Variants in SLC49A4 observed in about 807,000 individuals in gnomAD.
SLC49A4 encodes solute carrier family 49 member 4, also known as disrupted in renal cancer protein 2.
A neutral mutation model predicts 50.6 loss-of-function variants in SLC49A4; 36 were observed. That is an observed-to-expected ratio of 0.71 (90% CI 0.55 to 0.94). The LOEUF (loss-of-function observed/expected upper bound fraction) is 0.94. Among genes scored for constraint, SLC49A4 ranks in the 40% least tolerant of loss-of-function variants. The pLI is 0.00. For missense variants in SLC49A4, 503 were observed against 605.7 expected, an observed-to-expected ratio of 0.83 and a Z score of 1.78; for synonymous variants, 248 against 241.2, an observed-to-expected ratio of 1.03 and a Z score of -0.26.
intron 6 of SLC49A4, among the ~76,000 whole-genome samples, chr3:122,856,687 T>C (rs1031197790): frequency 3.3e-5 from 5 of 151,774 alleles, no homozygotes; most frequent in Non-Finnish European, 7.4e-5. Flanking sequence ...AAACACAAAA[T>C]TACCTGGGTG....
At chr3:122,865,473 T>TA (rs1399447703) in intron 7 of SLC49A4, among the ~76,000 whole-genome samples, 3 of 152,178 alleles carry the variant, frequency 2.0e-5, no homozygotes, top group African/African-American at 7.2e-5. Flanking sequence ...ACTTTTTTTT[T>TA]AGGAAGAAAT....
chr3:122,871,721 A>G (rs1466794763), intron 7 of SLC49A4, among the ~76,000 whole-genome samples: 1 of 152,144 alleles, frequency 6.6e-6, no homozygotes, highest in Non-Finnish European at 1.5e-5. Flanking sequence ...AATTAATTGT[A>G]GTATATTTCC....
rs565152434 is a variant in SLC49A4 at position 122,824,619 on chromosome 3, C to CTCTT, written c.438-2163_438-2160dup. Among the ~76,000 whole-genome samples, 971 of 149,940 alleles carry CTCTT rather than the reference C, an allele frequency of 6.5e-3. 6 individuals are homozygous for CTCTT. The highest frequency in any genetic ancestry group is 0.021 in the African/African-American group (861 of 40,728). On this transcript the variant is annotated intron_variant, in intron 2 of 8. Transcript: ENST00000261038. The stretch of plus-strand genomic sequence containing the variant: ...GTCTTTCCTTTCCTTTCTTTTCTTT[C>CTCTT]TCTTTCTTTCTTTCTTTCTTTTTCC...
At chr3:122,814,767 AT>A (rs1489818015) in intron 2 of SLC49A4, among the ~76,000 whole-genome samples, 1 of 150,864 alleles carries the variant, frequency 6.6e-6, no homozygotes, top group East Asian at 1.9e-4. Context: ...TTTGTGTGAC[AT>A]TTTTTTGTGA....
At chr3:122,836,688 A>T (rs1018371798) in intron 4 of SLC49A4, among the ~76,000 whole-genome samples, 1 of 152,180 alleles carries the variant, frequency 6.6e-6, no homozygotes, top group African/African-American at 2.4e-5. Context: ...CTCCTATTCA[A>T]CATAGTGTTG....
chr3:122,861,412 T>C (rs75250529), intron 7 of SLC49A4, among the ~76,000 whole-genome samples: 7,659 of 152,332 alleles, frequency 0.05, 262 homozygotes, highest in Middle Eastern at 0.11. Flanking sequence ...TTATATTATT[T>C]GCAAGTAATA....
At chr3:122,849,987 GA>G (rs766418755) in intron 5 of SLC49A4, among the ~76,000 whole-genome samples, 15 of 144,066 alleles carry the variant, frequency 1.0e-4, no homozygotes, top group South Asian at 4.4e-4. Context: ...TTCCCTTTTA[GA>G]AAAAAAAAAA....
chr3:122,802,010 T>C (rs1936140824), intron 1 of SLC49A4, among the ~76,000 whole-genome samples: 1 of 151,836 alleles, frequency 6.6e-6, no homozygotes. Context: ...GAAATCAAAA[T>C]ATATGGAACT....
At position 122,849,675 on chromosome 3, in the gene SLC49A4, G is replaced by GT. The variant is rs200070253; in HGVS notation, c.942+3813dup. Among the ~76,000 whole-genome samples, 139 of 150,702 alleles carry GT rather than the reference G, an allele frequency of 9.2e-4. No homozygotes were observed. The East Asian group carries it at 0.012, about 13-fold the overall frequency. On this transcript the variant is annotated intron_variant, in intron 5 of 8. Transcript: ENST00000261038. ...TTTTGCTTATTTTTTAATTGGATTG[G>GT]TTTTTTTTTGCTGTTGAGTTGCTTG... is the stretch of plus-strand genomic sequence containing the variant.
rs1001870055 is a variant in SLC49A4, at chr3:122,795,510, G to T, written c.318G>T (p.Ala106=). 2 of 1,601,156 alleles carry T rather than the reference G, an allele frequency of 1.2e-6. No individual in the cohort carries two copies. The highest frequency in any genetic ancestry group is 1.7e-6 in the Non-Finnish European group (2 of 1,178,330). The change falls in exon 1 of 9, where the codon GCG becomes GCT. Residue 106 remains alanine (A), a synonymous_variant. Transcript: ENST00000261038. ...WGPIGFLPCF[A]FMWLLDKRGL... is the part of the protein sequence containing the mutation. ...CCATCGGCTTCCTGCCCTGCTTCGC[G>T]TTCATGTGGCTCCTGGACAAGAGAG...
rs1463927925 is a variant in SLC49A4, at chr3:122,880,844, C to T, written c.*1466C>T. The T allele has an allele frequency of 6.6e-6, 1 of 152,504 alleles. No homozygotes were observed. Among genetic ancestry groups the T allele is most frequent in the East Asian group, 1.9e-4 (1 of 5,200 alleles). 9.4% of individuals were successfully genotyped at this position (152,504 alleles called of 1,614,324 possible). ...GCAGATTCCCAAGTCTGTCTCCCCTCCCCCTTAGCAAGTACAAGGCTGTGC... is the reference window on the plus strand; with the variant it reads ...GCAGATTCCCAAGTCTGTCTCCCCTTCCCCTTAGCAAGTACAAGGCTGTGC... On this transcript the variant is annotated 3_prime_UTR_variant, in exon 9 of 9. Transcript: ENST00000261038.
intron 4 of SLC49A4, among the ~76,000 whole-genome samples, chr3:122,839,910 C>T (rs1553762941): frequency 2.6e-5 from 4 of 152,058 alleles, no homozygotes; most frequent in Non-Finnish European, 5.9e-5. Context: ...GGAGAAAAGT[C>T]TTTATATGAA....
At chr3:122,859,949 CACTGAAA>C (rs1191433539) in intron 6 of SLC49A4, 119 bp from the exon 7 acceptor site, 2 of 891,184 alleles carry the variant, frequency 2.2e-6, no homozygotes, top group Non-Finnish European at 3.1e-6. Context: ...TTTAAAAAAA[CACTGAAA>C]ACTGTCTTTT....
chr3:122,838,920 C>G (rs1453098197), intron 4 of SLC49A4, among the ~76,000 whole-genome samples: 1 of 151,782 alleles, frequency 6.6e-6, no homozygotes, highest in Non-Finnish European at 1.5e-5. Flanking sequence ...AAAAAGAGTC[C>G]AAATAGCCAA....
chr3:122,823,671 T>C (rs1224227141), intron 2 of SLC49A4, among the ~76,000 whole-genome samples: 1 of 152,216 alleles, frequency 6.6e-6, no homozygotes, highest in Non-Finnish European at 1.5e-5. Context: ...TTTAAAGAGG[T>C]TATGGTAATG....
chr3:122,870,249 GTTAC>G (rs1937180043), intron 7 of SLC49A4, among the ~76,000 whole-genome samples: 1 of 151,734 alleles, frequency 6.6e-6, no homozygotes, highest in African/African-American at 2.4e-5. Flanking sequence ...TTTCTTTCCT[GTTAC>G]TTACTTCAGT....
At chr3:122,870,684 G>A (rs989284392) in intron 7 of SLC49A4, among the ~76,000 whole-genome samples, 6 of 151,460 alleles carry the variant, frequency 4.0e-5, no homozygotes, top group East Asian at 1.9e-4. Flanking sequence ...ATGGTGGCAC[G>A]AACCTGTAAT....
chr3:122,797,534 C>A (rs1936064307), intron 1 of SLC49A4, among the ~76,000 whole-genome samples: 1 of 152,164 alleles, frequency 6.6e-6, no homozygotes, highest in East Asian at 1.9e-4. Context: ...GATACCCAGC[C>A]CTGAATGGGT....
At chr3:122,798,021 A>G (rs1936072136) in intron 1 of SLC49A4, among the ~76,000 whole-genome samples, 1 of 152,208 alleles carries the variant, frequency 6.6e-6, no homozygotes, top group Non-Finnish European at 1.5e-5. Context: ...TACTTTACCT[A>G]TAATCAATGT....
Sources: allele counts gnomAD v4.1 joint callset (sites outside exome capture counted in the v4.1 genomes callset), GRCh38; gene constraint gnomAD v4.1.1; transcripts MANE v1.5; gene names NCBI Gene and HGNC (gene_info 2026-07-23, HGNC 2026-07-21).